The following STIM2 variants were observed in gnomAD, a reference collection of about 807,000 sequenced individuals.
STIM2 encodes stromal interaction molecule 2.
Under a neutral mutation model 85.8 loss-of-function variants are expected in STIM2, and 31 were observed. The ratio of observed to expected loss-of-function variants is 0.36; its 90% CI spans 0.27 to 0.49. The LOEUF is 0.49. STIM2 is among the 20% of genes least tolerant of loss of function. The pLI is 0.98. For missense variants in STIM2, 841 were observed against 927.6 expected (o/e 0.91, Z 1.21); for synonymous variants, 356 against 331.1 (o/e 1.08, Z -0.82).
chr4:26,999,771 G>C (rs1329906176), intron 5 of STIM2, among the ~76,000 whole-genome samples: 2 of 152,076 alleles, frequency 1.3e-5, no homozygotes, highest in African/African-American at 2.4e-5. Flanking sequence ...TGGATTTTTA[G>C]GTATAGATGG....
intron 2 of STIM2, among the ~76,000 whole-genome samples, chr4:26,957,209 G>T (rs778839816): frequency 1.6e-4 from 25 of 152,014 alleles, no homozygotes; most frequent in Non-Finnish European, 3.5e-4. Flanking sequence ...TATTGTTTAG[G>T]GAATAATGAT....
chr4:27,004,448 T>C (rs1259912457), intron 7 of STIM2, among the ~76,000 whole-genome samples: 1 of 152,158 alleles, frequency 6.6e-6, no homozygotes, highest in Non-Finnish European at 1.5e-5. Flanking sequence ...CCTGCCTTTT[T>C]CCACCAAGAC....
chr4:26,903,571 A>C (rs1159921419), intron 1 of STIM2, among the ~76,000 whole-genome samples: 1 of 152,228 alleles, frequency 6.6e-6, no homozygotes, highest in Admixed American at 6.5e-5. Flanking sequence ...GCATAAAATT[A>C]TAAAAAGATA....
At chr4:26,989,397 A>G (rs905014528) in intron 3 of STIM2, among the ~76,000 whole-genome samples, 2 of 152,252 alleles carry the variant, frequency 1.3e-5, no homozygotes, top group Admixed American at 6.5e-5. Flanking sequence ...AAAAGCATTT[A>G]ATAAATTCAG....
At chr4:27,015,300 G>A (rs535436974) in intron 10 of STIM2, among the ~76,000 whole-genome samples, 2 of 152,048 alleles carry the variant, frequency 1.3e-5, no homozygotes, top group South Asian at 2.1e-4. Context: ...CTTAAATTAT[G>A]TGTTAACGTT....
rs113180595 is a variant in STIM2 at position 27,017,737 on chromosome 4, T to A, written c.1516T>A (p.Leu506Ile). The A allele has an allele frequency of 6.2e-7, 1 of 1,614,008 alleles. No individual in the cohort carries two copies. The highest frequency in any genetic ancestry group is 8.5e-7 in the Non-Finnish European group (1 of 1,180,012). ...GACCATGGCTAAACCTCCTGGATCA[T>A]TAGCCAGAAGCAGCAGCCTGTGCCG... Residue 506 changes from leucine to isoleucine, a missense_variant, in exon 11 of 12, where the codon TTA becomes ATA. Physicochemically the swap from Leu to Ile is conservative, Grantham distance 5. Around this residue, in one of 3 missense-constraint regions of STIM2, gnomAD observed 408 missense variants for 525.4 expected, o/e 0.78. Transcript: ENST00000467087.
intron 11 of STIM2, among the ~76,000 whole-genome samples, chr4:27,020,508 T>C (rs1728873576): frequency 6.6e-6 from 1 of 152,230 alleles, no homozygotes; most frequent in South Asian, 2.1e-4. Context: ...TGTGAAACCA[T>C]TAGGTCGTTA....
chr4:27,009,268 G>A (rs1728481883), intron 10 of STIM2, among the ~76,000 whole-genome samples: 1 of 151,348 alleles, frequency 6.6e-6, no homozygotes, highest in African/African-American at 2.4e-5. Flanking sequence ...TGATTATTAA[G>A]TGTTTATTTG....
chr4:26,921,835 A>G (rs1724809193), intron 2 of STIM2, among the ~76,000 whole-genome samples: 1 of 152,222 alleles, frequency 6.6e-6, no homozygotes, highest in Admixed American at 6.5e-5. Flanking sequence ...TAGGTCAGAT[A>G]TTAAATCTTC....
chr4:26,874,045 C>A, intron 1 of STIM2: 8 of 678,558 alleles, frequency 1.2e-5, no homozygotes, highest in South Asian at 6.9e-5. Context: ...TGTCAGGACT[C>A]CTGGATTCTC....
chr4:27,016,897 C>G (rs1459041290), intron 10 of STIM2, among the ~76,000 whole-genome samples: 1 of 152,166 alleles, frequency 6.6e-6, no homozygotes, highest in Admixed American at 6.5e-5. Context: ...AGCAGGAATG[C>G]ATTTGTATAA....
intron 1 of STIM2, 57 bp from the exon 2 acceptor site, chr4:26,919,447 A>C: frequency 1.9e-6 from 3 of 1,604,782 alleles, no homozygotes; most frequent in Non-Finnish European, 2.5e-6. Flanking sequence ...TATACTCTCT[A>C]ACTATAGCCT....
chr4:26,869,043 C>T (rs1005676972), intron 1 of STIM2, among the ~76,000 whole-genome samples: 6 of 151,956 alleles, frequency 3.9e-5, no homozygotes, highest in Admixed American at 1.3e-4. Flanking sequence ...GCCTGTAATC[C>T]CAGCACTTTT....
chr4:26,903,288 A>T (rs985791805), intron 1 of STIM2, among the ~76,000 whole-genome samples: 7 of 152,186 alleles, frequency 4.6e-5, no homozygotes, highest in African/African-American at 1.7e-4. Context: ...GACATTGTCC[A>T]ACATGTGTCT....
At chr4:26,934,928 A>G (rs2109077341) in intron 2 of STIM2, among the ~76,000 whole-genome samples, 1 of 151,770 alleles carries the variant, frequency 6.6e-6, no homozygotes, top group South Asian at 2.1e-4. Flanking sequence ...AAAAAAAAAA[A>G]AAAAAAAAGA....
intron 5 of STIM2, among the ~76,000 whole-genome samples, chr4:26,999,685 A>C (rs1728076357): frequency 6.6e-6 from 1 of 152,194 alleles, no homozygotes. Flanking sequence ...GGAATCTCTT[A>C]AAAAATAATA....
intron 2 of STIM2, among the ~76,000 whole-genome samples, chr4:26,934,228 TAA>T (rs771246922): frequency 6.6e-6 from 1 of 151,986 alleles, no homozygotes; most frequent in African/African-American, 2.4e-5. Context: ...AAATATAGAT[TAA>T]AAAAATGAGA....
intron 1 of STIM2, among the ~76,000 whole-genome samples, chr4:26,864,770 T>C (rs779830820): frequency 1.3e-5 from 2 of 152,168 alleles, no homozygotes; most frequent in Non-Finnish European, 2.9e-5. Context: ...CAACATATAA[T>C]ACCACATATA....
At chr4:26,986,676 A>G (rs997402802) in intron 3 of STIM2, among the ~76,000 whole-genome samples, 6 of 152,200 alleles carry the variant, frequency 3.9e-5, no homozygotes, top group African/African-American at 1.4e-4. Flanking sequence ...TGCTACCTCC[A>G]CTATGTTATT....
Sources: allele counts gnomAD v4.1 joint callset (sites outside exome capture counted in the v4.1 genomes callset), GRCh38; gene constraint gnomAD v4.1.1; regional missense constraint gnomAD v4.1.1; transcripts MANE v1.5; gene names NCBI Gene and HGNC (gene_info 2026-07-23, HGNC 2026-07-21).